The following THSD7B variants were observed in gnomAD, a reference collection of about 807,000 sequenced individuals.
THSD7B encodes thrombospondin type 1 domain containing 7B.
THSD7B carries 138 observed loss-of-function variants against 213.6 expected under a neutral mutation model. That is an observed-to-expected ratio of 0.65 (90% confidence interval 0.56 to 0.74). The LOEUF (loss-of-function observed/expected upper bound fraction) is 0.74. Among genes scored for constraint, THSD7B ranks in the 30% least tolerant of loss-of-function variants. The pLI, the probability that THSD7B is intolerant of heterozygous loss-of-function variation, is 0.00. For synonymous variants in THSD7B, 742 were observed against 687.0 expected (o/e 1.08, Z -1.25); for missense variants, 1,931 against 1,991.5 (o/e 0.97, Z 0.58).
chr2:137,172,602 G>T (rs1680275292), intron 7 of THSD7B, among the ~76,000 whole-genome samples: 1 of 152,062 alleles, frequency 6.6e-6, no homozygotes, highest in African/African-American at 2.4e-5. Flanking sequence ...TATATTCTTT[G>T]TAATATCCTT....
intron 7 of THSD7B, among the ~76,000 whole-genome samples, chr2:137,200,497 C>T (rs1238565832): frequency 2.0e-5 from 3 of 151,934 alleles, no homozygotes; most frequent in Admixed American, 6.6e-5. Flanking sequence ...ATGTAACATA[C>T]ATATAGAAAT....
At chr2:136,801,145 T>C (rs1682171331) in intron 1 of THSD7B, among the ~76,000 whole-genome samples, 1 of 152,104 alleles carries the variant, frequency 6.6e-6, no homozygotes, top group African/African-American at 2.4e-5. Flanking sequence ...AGATATTTAC[T>C]CCGACAAATG....
chr2:136,811,504 A>G (rs966687506), intron 1 of THSD7B, among the ~76,000 whole-genome samples: 23 of 152,136 alleles, frequency 1.5e-4, no homozygotes, highest in Non-Finnish European at 1.2e-4. Flanking sequence ...AATTAATTCC[A>G]TAGTGTATAA....
intron 4 of THSD7B, among the ~76,000 whole-genome samples, chr2:137,105,258 C>T (rs899599677): frequency 6.6e-6 from 1 of 152,134 alleles, no homozygotes; most frequent in Non-Finnish European, 1.5e-5. Flanking sequence ...TCAACGTATG[C>T]AAATCAATAA....
chr2:137,086,598 G>A (rs573626073), intron 3 of THSD7B, among the ~76,000 whole-genome samples: 9 of 152,264 alleles, frequency 5.9e-5, no homozygotes, highest in African/African-American at 2.4e-5. Flanking sequence ...ATTTTGCCAT[G>A]TATGGTGGCA....
intron 8 of THSD7B, among the ~76,000 whole-genome samples, chr2:137,232,112 A>C (rs574634811): frequency 6.6e-6 from 1 of 152,344 alleles, no homozygotes; most frequent in South Asian, 2.1e-4. Flanking sequence ...CCAAGGTCAC[A>C]GATCCTGGGC....
intron 15 of THSD7B, among the ~76,000 whole-genome samples, chr2:137,528,161 A>G (rs1370625890): frequency 6.6e-5 from 10 of 152,068 alleles, no homozygotes; most frequent in Non-Finnish European, 1.0e-4. Flanking sequence ...TTGGCCCAAA[A>G]TTGATGTTTG....
chr2:137,108,735 T>C (rs539382902), intron 4 of THSD7B, among the ~76,000 whole-genome samples: 71 of 152,360 alleles, frequency 4.7e-4, no homozygotes, highest in African/African-American at 1.7e-3. Flanking sequence ...TTTCTACTCA[T>C]GCAGATACAC....
intron 12 of THSD7B, among the ~76,000 whole-genome samples, chr2:137,379,125 G>C (rs1376540584): frequency 6.6e-6 from 1 of 152,048 alleles, no homozygotes; most frequent in African/African-American, 2.4e-5. Flanking sequence ...TGCATTTTCT[G>C]GTCTTGTATT....
At chr2:136,847,199 G>T (rs778212) in intron 1 of THSD7B, among the ~76,000 whole-genome samples, 146,317 of 152,152 alleles carry the variant, frequency 0.96, 70,640 homozygotes, top group East Asian at 1. Flanking sequence ...CTGGCCGAGG[G>T]GCCAGTATTG....
intron 12 of THSD7B, among the ~76,000 whole-genome samples, chr2:137,403,169 C>T (rs116651563): frequency 2.6e-4 from 39 of 152,268 alleles, no homozygotes; most frequent in African/African-American, 9.4e-4. Context: ...GCTCCACCTG[C>T]CACAGAGCAG....
At chr2:137,089,643 T>C (rs1054014489) in intron 3 of THSD7B, among the ~76,000 whole-genome samples, 3 of 151,820 alleles carry the variant, frequency 2.0e-5, no homozygotes, top group African/African-American at 7.3e-5. Flanking sequence ...ACACAAAGGA[T>C]TTTGGGGACT....
At chr2:137,504,364 T>G (rs1291625104) in intron 15 of THSD7B, among the ~76,000 whole-genome samples, 8 of 152,232 alleles carry the variant, frequency 5.3e-5, no homozygotes, top group Admixed American at 2.6e-4. Context: ...TAGTCATTAT[T>G]GCATCTGTCT....
At chr2:137,636,797 A>C (rs1403823228) in intron 20 of THSD7B, among the ~76,000 whole-genome samples, 1 of 152,202 alleles carries the variant, frequency 6.6e-6, no homozygotes, top group Non-Finnish European at 1.5e-5. Flanking sequence ...CCAACTAGAA[A>C]CTTTTAATGC....
At chr2:137,399,521 A>G (rs1225003982) in intron 12 of THSD7B, among the ~76,000 whole-genome samples, 1 of 152,040 alleles carries the variant, frequency 6.6e-6, no homozygotes, top group East Asian at 1.9e-4. Flanking sequence ...ACACCTTCCC[A>G]TTCTCTTCTG....
chr2:137,469,561 C>G (rs1241671554), intron 15 of THSD7B, among the ~76,000 whole-genome samples: 1 of 152,084 alleles, frequency 6.6e-6, no homozygotes, highest in African/African-American at 2.4e-5. Context: ...TAAATACAAT[C>G]ACTTTGCATC....
At chr2:136,985,508 G>T (rs1213698241) in intron 2 of THSD7B, among the ~76,000 whole-genome samples, 6 of 152,224 alleles carry the variant, frequency 3.9e-5, no homozygotes, top group Non-Finnish European at 8.8e-5. Context: ...GTTAATTCTG[G>T]CATGCAGAAT....
intron 12 of THSD7B, among the ~76,000 whole-genome samples, chr2:137,302,299 A>G (rs1023039232): frequency 5.3e-5 from 8 of 152,166 alleles, no homozygotes; most frequent in African/African-American, 1.9e-4. Flanking sequence ...GCAGAGACTG[A>G]GGAGAAGATG....
intron 3 of THSD7B, among the ~76,000 whole-genome samples, chr2:137,063,573 A>AT (rs1194642728): frequency 1.3e-5 from 2 of 152,046 alleles, no homozygotes; most frequent in Non-Finnish European, 1.5e-5. Context: ...CAATTAAATT[A>AT]TTTTTTACTA....
Sources: allele counts gnomAD v4.1 joint callset (sites outside exome capture counted in the v4.1 genomes callset), GRCh38; gene constraint gnomAD v4.1.1; transcripts MANE v1.5; gene names NCBI Gene and HGNC (gene_info 2026-07-23, HGNC 2026-07-21).